The following PDE11A variants were observed in gnomAD, a reference collection of about 807,000 sequenced individuals.
The protein encoded by PDE11A is dual 3',5'-cyclic-AMP and -GMP phosphodiesterase 11A.
A neutral mutation model predicts 100.5 loss-of-function variants in PDE11A; 100 were observed. The observed-to-expected ratio is 1.00, with a 90% CI of 0.85 to 1.18. The LOEUF is 1.18. Ranked by LOEUF, PDE11A falls within the 50% of genes most tolerant of loss-of-function variation. The probability of loss-of-function intolerance (pLI) is 0.00; values close to 1 mark genes in which losing one functional copy is unlikely to be tolerated. For synonymous variants in PDE11A, 381 were observed against 420.8 expected (o/e 0.91, Z 1.16); for missense variants, 1,141 against 1,152.6 (o/e 0.99, Z 0.15).
rs568235008 is a variant in PDE11A, at chr2:177,717,928, G to GGA, written c.2044-6052_2044-6051dup. Among the ~76,000 whole-genome samples the GGA allele has an allele frequency of 3.3e-3, 500 of 152,184 alleles. 3 individuals carry two copies. Among genetic ancestry groups the GGA allele is most frequent in the African/African-American group, 0.01 (428 of 41,536 alleles). ...ATCCTGTATGATACCAGTGAATGGGGGAATATCATAGCCAGAGAAAAATGA... is the reference window on the plus strand; with the variant it reads ...ATCCTGTATGATACCAGTGAATGGGGGAGAATATCATAGCCAGAGAAAAATGA... On this transcript the variant is annotated intron_variant, in intron 12 of 19. Transcript: ENST00000286063.
chr2:177,998,634 G>A, intron 2 of PDE11A: 2 of 1,288,638 alleles, frequency 1.6e-6, no homozygotes, highest in South Asian at 2.4e-5. Flanking sequence ...AATAAATTGA[G>A]CTGCTAATCG....
intron 1 of PDE11A, chr2:178,018,382 A>ACTTTAACTTGGCACACTTGG: frequency 2.0e-6 from 1 of 492,816 alleles, no homozygotes; most frequent in Admixed American, 2.1e-5. Flanking sequence ...GGCACACTTG[A>ACTTTAACTTGGCACACTTGG]CTTTAACCTT....
At chr2:177,993,926 G>A (rs567666264) in intron 2 of PDE11A, among the ~76,000 whole-genome samples, 12 of 142,174 alleles carry the variant, frequency 8.4e-5, no homozygotes, top group African/African-American at 2.5e-4. Context: ...ATTAGACTCC[G>A]CAAATGTAAA....
intron 10 of PDE11A, among the ~76,000 whole-genome samples, chr2:177,742,220 C>T (rs905859297): frequency 6.6e-6 from 1 of 151,898 alleles, no homozygotes; most frequent in Non-Finnish European, 1.5e-5. Context: ...TATCATTATA[C>T]TCCCTGTATT....
At chr2:177,936,803 T>G (rs980455201) in intron 2 of PDE11A, among the ~76,000 whole-genome samples, 5 of 151,838 alleles carry the variant, frequency 3.3e-5, no homozygotes, top group African/African-American at 1.2e-4. Context: ...CGCCTGTAAC[T>G]CCAGCTACTC....
At chr2:177,670,868 T>C (rs1480151685) in intron 17 of PDE11A, among the ~76,000 whole-genome samples, 2 of 49,452 alleles carry the variant, frequency 4.0e-5, no homozygotes, top group East Asian at 8.5e-3. Flanking sequence ...CATGGGCCCC[T>C]TTCAAGATCA....
intron 6 of PDE11A, among the ~76,000 whole-genome samples, chr2:177,823,880 C>T (rs1300089758): frequency 6.6e-6 from 1 of 152,148 alleles, no homozygotes; most frequent in African/African-American, 2.4e-5. Flanking sequence ...ATTGTCTCTG[C>T]CAACTCTGGG....
chr2:177,852,019 T>C (rs140660708), intron 5 of PDE11A, among the ~76,000 whole-genome samples: 115 of 152,296 alleles, frequency 7.6e-4, no homozygotes, highest in Middle Eastern at 3.4e-3. Flanking sequence ...CCCATACAGA[T>C]GACTCTTCTC....
At chr2:177,905,591 C>T (rs1444590702) in intron 2 of PDE11A, among the ~76,000 whole-genome samples, 2 of 152,218 alleles carry the variant, frequency 1.3e-5, no homozygotes, top group African/African-American at 4.8e-5. Flanking sequence ...GGATATAAGT[C>T]AATTCTTTCG....
At chr2:177,998,385 C>T (rs1345546106) in intron 2 of PDE11A, 14 of 843,104 alleles carry the variant, frequency 1.7e-5, no homozygotes, top group Non-Finnish European at 2.7e-5. Flanking sequence ...AGTCCCTTTT[C>T]CATCCATGTT....
At chr2:178,057,271 T>C (rs2086910984) in intron 1 of PDE11A, among the ~76,000 whole-genome samples, 1 of 152,186 alleles carries the variant, frequency 6.6e-6, no homozygotes, top group African/African-American at 2.4e-5. Context: ...TAAAAATATC[T>C]TGAGTCCAAA....
At chr2:177,790,119 C>T (rs1313365601) in intron 9 of PDE11A, among the ~76,000 whole-genome samples, 1 of 151,448 alleles carries the variant, frequency 6.6e-6, no homozygotes, top group Non-Finnish European at 1.5e-5. Context: ...GGAGGCATCA[C>T]ACTACCTGAC....
At chr2:178,063,004 T>C (rs1463445013) in intron 1 of PDE11A, among the ~76,000 whole-genome samples, 2 of 152,230 alleles carry the variant, frequency 1.3e-5, no homozygotes, top group East Asian at 3.8e-4. Flanking sequence ...CTAGAATTGA[T>C]TTAGTTTGCA....
chr2:177,735,397 C>T (rs893144655), intron 10 of PDE11A, among the ~76,000 whole-genome samples: 5 of 146,410 alleles, frequency 3.4e-5, no homozygotes, highest in Non-Finnish European at 7.6e-5. Flanking sequence ...AACAATGATT[C>T]GTGGAAAAAA....
In PDE11A at chr2:177,624,042, T is replaced by G. The variant is rs2105420606; in HGVS notation, c.*5365A>C. The G allele has an allele frequency of 6.6e-6, 1 of 152,342 alleles. No homozygotes were observed. Among genetic ancestry groups the G allele is most frequent in the Middle Eastern group, 3.4e-3 (1 of 294 alleles). The allele number at this position is 152,342 out of a possible 1,614,324, so 9.4% of individuals were successfully genotyped here. A position where few individuals can be genotyped will look rare whatever the true frequency, so the allele number is the denominator to read the frequency against. On this transcript the variant is annotated 3_prime_UTR_variant, in exon 20 of 20. Transcript: ENST00000286063. ...TATTATTCTTCACTTAGGAAGCTGG[T>G]GCAATTTTGGCCTTCTTGTAGTCAG... is the stretch of plus-strand genomic sequence containing the variant.
Position 178,072,048 on chromosome 2 carries a change from G to C in PDE11A, c.390C>G (p.Ala130=). 5.0e-6 allele frequency: 8 copies of C among 1,613,758 alleles called. No individual in the cohort carries two copies. The highest frequency in any genetic ancestry group is 6.8e-6 in the Non-Finnish European group (8 of 1,179,660). Residue 130 remains alanine (A), a synonymous_variant, in exon 1 of 20, where the codon GCC becomes GCG. Transcript: ENST00000286063. ...CATCGTAGGTCCTGTTCACGTGGAT[G>C]GCCTTGGAGCGGGCAAAACTCTTCC... The part of the protein sequence containing the change: ...ELRKSFARSK[A]IHVNRTYDEQ...
chr2:178,055,767 C>T (rs991026857), intron 1 of PDE11A, among the ~76,000 whole-genome samples: 3 of 152,108 alleles, frequency 2.0e-5, no homozygotes, highest in Admixed American at 6.5e-5. Context: ...TCATCTGATG[C>T]TCCTTTATTC....
chr2:177,873,466 A>G (rs2084177772), intron 5 of PDE11A, among the ~76,000 whole-genome samples: 1 of 152,186 alleles, frequency 6.6e-6, no homozygotes, highest in Admixed American at 6.5e-5. Context: ...GTGAATATAA[A>G]TACATTTTTA....
chr2:178,064,684 C>T (rs570579543), intron 1 of PDE11A, among the ~76,000 whole-genome samples: 1 of 149,186 alleles, frequency 6.7e-6, no homozygotes, highest in African/African-American at 2.4e-5. Flanking sequence ...CCCTGCCGGG[C>T]TCAGTGGCAC....
Sources: allele counts gnomAD v4.1 joint callset (sites outside exome capture counted in the v4.1 genomes callset), GRCh38; gene constraint gnomAD v4.1.1; transcripts MANE v1.5; gene names NCBI Gene and HGNC (gene_info 2026-07-23, HGNC 2026-07-21).